Variants in ZEB2 observed in about 807,000 individuals in gnomAD.
ZEB2 encodes zinc finger E-box-binding homeobox 2.
Under a neutral mutation model 99.9 loss-of-function variants are expected in ZEB2, and 6 were observed. The ratio of observed to expected loss-of-function variants is 0.06; its 90% CI spans 0.03 to 0.12. ZEB2 has a LOEUF of 0.12. Ranked by LOEUF, ZEB2 falls within the 10% of genes least tolerant of loss-of-function variation. ZEB2 has a pLI of 1.00. For missense variants in ZEB2, 969 were observed against 1,502.8 expected (o/e 0.64, Z 5.87); for synonymous variants, 517 against 542.5 (o/e 0.95, Z 0.65).
intron 2 of ZEB2, among the ~76,000 whole-genome samples, chr2:144,491,418 G>A (rs1210502351): frequency 1.3e-5 from 2 of 151,366 alleles, no homozygotes; most frequent in Non-Finnish European, 2.9e-5. Flanking sequence ...AAAAGTGAAG[G>A]TAACAGTTTG....
intron 2 of ZEB2, chr2:144,513,370 G>T (rs1223225253): frequency 3.0e-6 from 4 of 1,330,942 alleles, no homozygotes; most frequent in Non-Finnish European, 3.9e-6. Flanking sequence ...GAGACCAAAG[G>T]CATTTGTAAA....
chr2:144,512,574 A>G, intron 2 of ZEB2: 1 of 1,287,250 alleles, frequency 7.8e-7, no homozygotes, highest in Non-Finnish European at 1.0e-6. Flanking sequence ...TTTGAAAACA[A>G]ATGGTGGAAG....
At chr2:144,475,815 T>C (rs1342326907) in intron 2 of ZEB2, among the ~76,000 whole-genome samples, 4 of 152,220 alleles carry the variant, frequency 2.6e-5, no homozygotes, top group Admixed American at 6.5e-5. Flanking sequence ...ATTCAACTTA[T>C]CTCTACCACC....
chr2:144,513,906 G>GGATCATCTGACTGAACTTTCTTGAAACC, intron 2 of ZEB2: 1 of 1,493,942 alleles, frequency 6.7e-7, no homozygotes, highest in Non-Finnish European at 8.9e-7. Context: ...AGGCGACTGA[G>GGATCATCTGACTGAACTTTCTTGAAACC]GATCATCTGA....
chr2:144,481,152 A>G (rs1355534839), intron 2 of ZEB2, among the ~76,000 whole-genome samples: 1 of 152,198 alleles, frequency 6.6e-6, no homozygotes, highest in Non-Finnish European at 1.5e-5. Flanking sequence ...GAAAAGATTA[A>G]ATTTATTATT....
At chr2:144,423,777 C>T (rs1015819290) in intron 4 of ZEB2, among the ~76,000 whole-genome samples, 1 of 152,110 alleles carries the variant, frequency 6.6e-6, no homozygotes, top group East Asian at 1.9e-4. Context: ...TTAATAAGCA[C>T]ATTTTAAACA....
At chr2:144,408,052 A>C (rs1703411316) in intron 4 of ZEB2, among the ~76,000 whole-genome samples, 1 of 152,220 alleles carries the variant, frequency 6.6e-6, no homozygotes, top group African/African-American at 2.4e-5. Context: ...ATCTAGATAC[A>C]CTACTGTTGT....
chr2:144,389,252 T>G lies in ZEB2; in HGVS notation c.*199A>C, dbSNP rs1703121195. ...TTTAGGCCTTAACACTGTACAAAAT[T>G]TTTGCATAATGCAGTTTTTAACAAT... On this transcript the variant is annotated 3_prime_UTR_variant, in exon 10 of 10. Transcript: ENST00000627532. This position sits in a 1 kb window ranked among gnomAD's most constrained non-coding sequence, Gnocchi z 6.8. 1 of 636,440 alleles carries G rather than the reference T, an allele frequency of 1.6e-6. No homozygotes were observed. Among genetic ancestry groups the G allele is most frequent in the Admixed American group, 2.8e-5 (1 of 35,924 alleles). 39.4% of individuals were successfully genotyped at this position (636,440 alleles called of 1,614,324 possible). A position where few individuals can be genotyped will look rare whatever the true frequency, so the allele number is the denominator to read the frequency against.
At chr2:144,404,157 G>A (rs1296980511) in intron 5 of ZEB2, 27 bp from the exon 6 acceptor site, 1 of 1,606,092 alleles carries the variant, frequency 6.2e-7, no homozygotes, top group Non-Finnish European at 8.5e-7. Flanking sequence ...GAGAGAGAGA[G>A]AAGCGGGCCA....
At chr2:144,407,245 G>A (rs531088273) in intron 4 of ZEB2, among the ~76,000 whole-genome samples, 3 of 152,250 alleles carry the variant, frequency 2.0e-5, no homozygotes, top group South Asian at 4.2e-4. Flanking sequence ...CAAGAACAAC[G>A]GTCTATTCCA....
intron 4 of ZEB2, among the ~76,000 whole-genome samples, chr2:144,422,568 G>A (rs1703632699): frequency 6.6e-6 from 1 of 152,252 alleles, no homozygotes; most frequent in African/African-American, 2.4e-5. Flanking sequence ...GGGAGGCCGA[G>A]GTGGGAGGAT....
rs1401919093 is a variant in ZEB2, at chr2:144,386,487, G to A, written c.*2964C>T. On this transcript the variant is annotated 3_prime_UTR_variant, in exon 10 of 10. Coordinates refer to ENST00000627532, the MANE Select transcript of ZEB2 (RefSeq NM_014795.4). ...ACTCAGGTATTCTGAGCCTGCCTAT[G>A]AAATGGAGTTAGGAACAAATGACAG... The A allele has an allele frequency of 2.6e-5, 4 of 152,260 alleles. No homozygotes were observed. Among genetic ancestry groups the A allele is most frequent in the African/African-American group, 9.6e-5 (4 of 41,552 alleles). The allele number at this position is 152,260 out of a possible 1,614,324, so 9.4% of individuals were successfully genotyped here. A position where few individuals can be genotyped will look rare whatever the true frequency, so the allele number is the denominator to read the frequency against.
chr2:144,442,321 AAAAT>A (rs2149896486), intron 2 of ZEB2, among the ~76,000 whole-genome samples: 1 of 152,314 alleles, frequency 6.6e-6, no homozygotes, highest in South Asian at 2.1e-4. Context: ...AAGCAATATC[AAAAT>A]ATTCAGTTAA....
At chr2:144,426,312 A>C (rs1378105662) in intron 3 of ZEB2, among the ~76,000 whole-genome samples, 1 of 152,124 alleles carries the variant, frequency 6.6e-6, no homozygotes, top group Non-Finnish European at 1.5e-5. Context: ...CCCTCATCTG[A>C]TATTTTTATC....
At position 144,509,086 on chromosome 2, in the gene ZEB2, A is replaced by G. The variant is rs1009119755; in HGVS notation, c.73+8192T>C. Among the ~76,000 whole-genome samples the G allele has an allele frequency of 3.9e-5, 6 of 152,152 alleles. No homozygotes were observed. In the East Asian group the frequency reaches 1.2e-3, roughly 29 times the overall value. On this transcript the variant is annotated intron_variant, in intron 2 of 9. Transcript: ENST00000627532. The stretch of plus-strand genomic sequence containing the variant: ...AAGCTTGAACAGTTTTCATGCCTAT[A>G]AGACTTGTCTGAATAATAAACTGCT...
chr2:144,476,160 T>C (rs780813712), intron 2 of ZEB2, among the ~76,000 whole-genome samples: 6 of 152,198 alleles, frequency 3.9e-5, no homozygotes, highest in Admixed American at 1.3e-4. Flanking sequence ...CTTTTTTTTT[T>C]CTTGCGAAAT....
At chr2:144,518,464 G>T (rs1252343160) in intron 1 of ZEB2, 2 of 152,188 alleles carry the variant, frequency 1.3e-5, no homozygotes, top group Non-Finnish European at 2.9e-5. Flanking sequence ...AGATGTAACA[G>T]ATGCAAACTG....
intron 2 of ZEB2, among the ~76,000 whole-genome samples, chr2:144,453,713 G>A (rs926077182): frequency 6.6e-6 from 1 of 152,124 alleles, no homozygotes; most frequent in Non-Finnish European, 1.5e-5. Flanking sequence ...CACCCCTTTT[G>A]TGGCGACAAA....
intron 4 of ZEB2, among the ~76,000 whole-genome samples, chr2:144,412,455 G>C (rs996338811): frequency 7.2e-5 from 11 of 152,188 alleles, no homozygotes; most frequent in Admixed American, 2.0e-4. Context: ...GCTTTATGTA[G>C]AGACACGTGA....
Sources: allele counts gnomAD v4.1 joint callset (sites outside exome capture counted in the v4.1 genomes callset), GRCh38; gene constraint gnomAD v4.1.1; non-coding constraint Gnocchi (gnomAD v3.1); transcripts MANE v1.5; gene names NCBI Gene and HGNC (gene_info 2026-07-23, HGNC 2026-07-21).